Variants in KCNB2 observed in about 807,000 individuals in gnomAD.
KCNB2 encodes delayed rectifier potassium channel protein.
In KCNB2, 15 loss-of-function variants were observed where a neutral mutation model predicts 61.5. The ratio of observed to expected loss-of-function variants is 0.24; its 90% confidence interval spans 0.16 to 0.38. KCNB2 has a LOEUF of 0.38. Among genes scored for constraint, KCNB2 ranks in the 10% least tolerant of loss-of-function variants. The pLI, the probability that KCNB2 is intolerant of heterozygous loss-of-function variation, is 1.00. For synonymous variants in KCNB2, 457 were observed against 446.0 expected (o/e 1.02, Z -0.31); for missense variants, 828 against 1,125.2 (o/e 0.74, Z 3.78).
chr8:72,925,902 A>C (rs1439758691), intron 2 of KCNB2, among the ~76,000 whole-genome samples: 1 of 152,230 alleles, frequency 6.6e-6, no homozygotes, highest in Non-Finnish European at 1.5e-5. Context: ...ACACCATGGA[A>C]TACTATGCAG....
chr8:72,640,256 A>G (rs539839033), intron 2 of KCNB2, among the ~76,000 whole-genome samples: 4 of 152,258 alleles, frequency 2.6e-5, no homozygotes, highest in African/African-American at 9.6e-5. Context: ...CAGCTTCTCT[A>G]ATAATGGAAA....
At chr8:72,697,536 G>A (rs769679761) in intron 2 of KCNB2, among the ~76,000 whole-genome samples, 35 of 152,062 alleles carry the variant, frequency 2.3e-4, no homozygotes, top group Non-Finnish European at 4.7e-4. Flanking sequence ...CTACTTGAGA[G>A]GCTGAAGCAA....
intron 2 of KCNB2, among the ~76,000 whole-genome samples, chr8:72,572,911 A>G (rs1159071302): frequency 2.0e-5 from 3 of 152,088 alleles, no homozygotes; most frequent in African/African-American, 7.2e-5. Flanking sequence ...CCACAGGTCC[A>G]TTGTCGTTGG....
At position 72,628,372 on chromosome 8, in the gene KCNB2, CTTA is replaced by C. The variant is rs957368595; in HGVS notation, c.579+60064_579+60066del. Among the ~76,000 whole-genome samples, 10 of 150,000 alleles carry C rather than the reference CTTA, an allele frequency of 6.7e-5. No homozygotes were observed. The East Asian group carries it at 1.4e-3, about 21-fold the overall frequency. ...TATTGCAGAACTGACTTTATTGTCA[CTTA>C]TTATGCAGATTTCTCCTGTTAGGGG... is the stretch of plus-strand genomic sequence containing the variant. On this transcript the variant is annotated intron_variant, in intron 2 of 2. Transcript: ENST00000523207.
chr8:72,607,950 T>G (rs1392412040), intron 2 of KCNB2, among the ~76,000 whole-genome samples: 4 of 152,198 alleles, frequency 2.6e-5, no homozygotes, highest in Non-Finnish European at 4.4e-5. Flanking sequence ...TATTAAACAT[T>G]TATTGACCAT....
chr8:72,610,608 G>A (rs934225880), intron 2 of KCNB2, among the ~76,000 whole-genome samples: 11 of 151,962 alleles, frequency 7.2e-5, no homozygotes, highest in Non-Finnish European at 1.6e-4. Context: ...GCAAGGCACT[G>A]TCCTAAATAC....
chr8:72,599,435 T>C (rs1445011417), intron 2 of KCNB2, among the ~76,000 whole-genome samples: 1 of 152,160 alleles, frequency 6.6e-6, no homozygotes, highest in Non-Finnish European at 1.5e-5. Context: ...TTACACCTTA[T>C]ACAAAAATTA....
At chr8:72,647,172 A>C (rs981268133) in intron 2 of KCNB2, among the ~76,000 whole-genome samples, 3 of 151,944 alleles carry the variant, frequency 2.0e-5, no homozygotes, top group Non-Finnish European at 4.4e-5. Flanking sequence ...AGTTCTAAAA[A>C]CCTATCATGG....
intron 2 of KCNB2, among the ~76,000 whole-genome samples, chr8:72,657,803 A>G (rs763234805): frequency 4.3e-4 from 66 of 152,168 alleles, no homozygotes; most frequent in Non-Finnish European, 7.2e-4. Flanking sequence ...ATAAGATGTA[A>G]CCACTAATAA....
At chr8:72,623,920 G>T (rs1805750012) in intron 2 of KCNB2, among the ~76,000 whole-genome samples, 1 of 152,162 alleles carries the variant, frequency 6.6e-6, no homozygotes. Flanking sequence ...AGCTTTCTTA[G>T]TTCCCTCATG....
chr8:72,711,091 C>A (rs1345671531), intron 2 of KCNB2, among the ~76,000 whole-genome samples: 1 of 152,196 alleles, frequency 6.6e-6, no homozygotes, highest in African/African-American at 2.4e-5. Context: ...ACTGCAGGAC[C>A]CTGACTGATG....
At chr8:72,700,202 G>T (rs150063610) in intron 2 of KCNB2, among the ~76,000 whole-genome samples, 2,291 of 152,074 alleles carry the variant, frequency 0.015, 47 homozygotes, top group African/African-American at 0.053. Context: ...TTGGGGTTTG[G>T]GGGGCAAGGG....
intron 1 of KCNB2, among the ~76,000 whole-genome samples, chr8:72,549,298 A>G (rs1256431105): frequency 6.6e-6 from 1 of 152,206 alleles, no homozygotes; most frequent in Admixed American, 6.5e-5. Context: ...CAAGGTGTCA[A>G]TGTTAGGATA....
At chr8:72,752,669 A>G (rs1808212123) in intron 2 of KCNB2, among the ~76,000 whole-genome samples, 1 of 152,200 alleles carries the variant, frequency 6.6e-6, no homozygotes, top group South Asian at 2.1e-4. Context: ...ACGTCGTGGG[A>G]TTTCTCAGCC....
intron 2 of KCNB2, among the ~76,000 whole-genome samples, chr8:72,816,022 T>C (rs1585909303): frequency 6.6e-6 from 1 of 152,160 alleles, no homozygotes; most frequent in East Asian, 1.9e-4. Context: ...TGTAATTAAG[T>C]GATTCTAAAT....
chr8:72,579,876 TG>T (rs879565050), intron 2 of KCNB2, among the ~76,000 whole-genome samples: 6 of 152,108 alleles, frequency 3.9e-5, no homozygotes, highest in African/African-American at 9.7e-5. Flanking sequence ...CTTCCCAGCC[TG>T]GGGGAAAAAA....
rs1001552719 is a variant in KCNB2 at position 72,857,241 on chromosome 8, G to A, written c.580-78694G>A. Among the ~76,000 whole-genome samples, 5 of 152,292 alleles carry A rather than the reference G, an allele frequency of 3.3e-5. No individual in the cohort carries two copies. The South Asian group carries it at 1.0e-3, about 32-fold the overall frequency. On this transcript the variant is annotated intron_variant, in intron 2 of 2. Transcript: ENST00000523207. The stretch of plus-strand genomic sequence containing the variant: ...AAGGTATGAGAGCTTTTAGAAGCAG[G>A]ATGGAGCCTGGACCAGAGGTTCATT...
chr8:72,781,937 A>C (rs894578803), intron 2 of KCNB2, among the ~76,000 whole-genome samples: 1 of 151,960 alleles, frequency 6.6e-6, no homozygotes, highest in African/African-American at 2.4e-5. Flanking sequence ...TAGGGAGGGG[A>C]ACAACATACC....
Position 72,630,942 on chromosome 8 carries a change from C to T in KCNB2, c.579+62629C>T, listed in dbSNP as rs73688727. On this transcript the variant is annotated intron_variant, in intron 2 of 2. Transcript: ENST00000523207. ...AGGCGCCCCTTATCTACAGGGGATA[C>T]GTTCCAAGCCCCCCATGGATGCCTG... 2.4e-3 allele frequency among the ~76,000 whole-genome samples: 372 copies of T among 152,262 alleles called. 1 individual carries two copies. The highest frequency in any genetic ancestry group is 8.5e-3 in the African/African-American group (353 of 41,546).
Sources: gnomAD v4.1 joint callset for allele counts (sites outside exome capture counted in the v4.1 genomes callset) on GRCh38, gnomAD v4.1.1 for gene constraint, MANE v1.5 for transcripts, NCBI Gene and HGNC (gene_info 2026-07-23, HGNC 2026-07-21) for gene names.